Variants in TCF25 observed in about 807,000 individuals in gnomAD.
TCF25 encodes the protein TCF25 ribosome quality control complex subunit, also known as ribosome quality control complex subunit TCF25.
A neutral mutation model predicts 83.1 loss-of-function variants in TCF25; 41 were observed. The observed-to-expected ratio is 0.49, with a 90% CI of 0.38 to 0.64. The LOEUF is 0.64. TCF25 is among the 30% of genes least tolerant of loss of function. The pLI is 0.00. For missense variants in TCF25, 979 were observed against 914.5 expected, an observed-to-expected ratio of 1.07 and a Z score of -0.91; for synonymous variants, 458 against 365.0, an observed-to-expected ratio of 1.25 and a Z score of -2.90.
At chr16:89,874,270 A>T (rs1265099896) in intron 1 of TCF25, among the ~76,000 whole-genome samples, 1 of 150,010 alleles carries the variant, frequency 6.7e-6, no homozygotes, top group Non-Finnish European at 1.5e-5. Context: ...GCCTGCGGCC[A>T]CGTGGCTGTC....
At chr16:89,906,161 T>C (rs1414738194) in intron 14 of TCF25, 33 bp from the exon 15 acceptor site, 1 of 1,596,512 alleles carries the variant, frequency 6.3e-7, no homozygotes. Flanking sequence ...TGCTGTGCTT[T>C]ATCTGCTGTG....
In TCF25 at chr16:89,898,654, GTGTC is replaced by G. The variant is rs1205004544; in HGVS notation, c.1115+8_1115+11del. ...GTACTGCAAGCTCATCCTGAGGTGA[GTGTC>G]TGCTCAGGGCCAAGCCCGTCCACGC... On this transcript the variant is annotated splice_donor_region_variant and intron_variant, in intron 10 of 17. Coordinates refer to ENST00000263346, the MANE Select transcript of TCF25 (RefSeq NM_014972.3). 1.9e-6 allele frequency: 3 copies of G among 1,612,636 alleles called. No homozygotes were observed. Among genetic ancestry groups the G allele is most frequent in the African/African-American group, 2.7e-5 (2 of 75,066 alleles).
Position 89,906,409 on chromosome 16 carries a change from G to A in TCF25, c.1719+125G>A, listed in dbSNP as rs894277491. The A allele has an allele frequency of 1.1e-4, 96 of 854,634 alleles. 2 individuals carry two copies. In the East Asian group the frequency reaches 2.0e-3, roughly 18 times the overall value. 52.9% of individuals were successfully genotyped at this position (854,634 alleles called of 1,614,324 possible). Reference sequence around the variant, plus strand: ...TCCCTCAGCAGCCCAGCCCCGCCACGGCAGGGGCAGGGTCTAGTGCAGAGG... The same window carrying A: ...TCCCTCAGCAGCCCAGCCCCGCCACAGCAGGGGCAGGGTCTAGTGCAGAGG... On this transcript the variant is annotated intron_variant, in intron 15 of 17. Coordinates refer to ENST00000263346, the MANE Select transcript of TCF25 (RefSeq NM_014972.3).
intron 12 of TCF25, among the ~76,000 whole-genome samples, chr16:89,903,674 G>A (rs2044534107): frequency 6.6e-6 from 1 of 152,304 alleles, no homozygotes; most frequent in South Asian, 2.1e-4. Flanking sequence ...GGGCGTGGTA[G>A]TGTGCGCCTG....
intron 7 of TCF25, among the ~76,000 whole-genome samples, chr16:89,894,505 C>T (rs1597333901): frequency 6.6e-6 from 1 of 152,216 alleles, no homozygotes; most frequent in Non-Finnish European, 1.5e-5. Flanking sequence ...TTCCATTCCT[C>T]TTTCTTGGGG....
intron 13 of TCF25, chr16:89,904,460 G>A: frequency 1.8e-6 from 1 of 555,292 alleles, no homozygotes; most frequent in Non-Finnish European, 3.2e-6. Context: ...AGGCGTGGCG[G>A]CACATGCCTG....
intron 16 of TCF25, 32 bp downstream of exon 16, chr16:89,907,354 G>GTTTCCAC (rs2044889273): frequency 1.5e-6 from 2 of 1,354,664 alleles, no homozygotes; most frequent in Non-Finnish European, 9.8e-7. Flanking sequence ...CCACCTCCCA[G>GTTTCCAC]CTCCCACCTC....
At chr16:89,904,839 C>A in intron 13 of TCF25, 99 bp from the exon 14 acceptor site, 2 of 1,448,358 alleles carry the variant, frequency 1.4e-6, no homozygotes, top group Non-Finnish European at 1.9e-6. Flanking sequence ...ACAGGGCACT[C>A]CCTGGACCCC....
At chr16:89,903,876 TGGG>T (rs1296743190) in intron 12 of TCF25, among the ~76,000 whole-genome samples, 1 of 151,866 alleles carries the variant, frequency 6.6e-6, no homozygotes. Flanking sequence ...TGGATGCAAA[TGGG>T]GGCCCTGGCA....
chr16:89,888,068 C>A (rs2043148529), intron 5 of TCF25, among the ~76,000 whole-genome samples: 1 of 150,406 alleles, frequency 6.6e-6, no homozygotes, highest in Admixed American at 6.6e-5. Context: ...GAGTTTGAGA[C>A]CAGCTGGGCA....
intron 12 of TCF25, among the ~76,000 whole-genome samples, chr16:89,901,317 T>C (rs1468472279): frequency 6.6e-6 from 1 of 152,224 alleles, no homozygotes; most frequent in East Asian, 1.9e-4. Flanking sequence ...GGGCTGACCC[T>C]GCCTGACAGC....
chr16:89,901,527 C>T (rs1368013658), intron 12 of TCF25, among the ~76,000 whole-genome samples: 6 of 135,026 alleles, frequency 4.4e-5, no homozygotes, highest in Admixed American at 1.5e-4. Context: ...GGGCGGATCA[C>T]GAGGTCAGGA....
At chr16:89,904,367 A>G in intron 13 of TCF25, 162 bp downstream of exon 13, 1 of 752,732 alleles carries the variant, frequency 1.3e-6, no homozygotes, top group South Asian at 1.8e-5. Context: ...ACGGCTCTGG[A>G]GCCCTCATCT....
At chr16:89,883,124 C>T (rs1411324067) in intron 1 of TCF25, among the ~76,000 whole-genome samples, 1 of 151,914 alleles carries the variant, frequency 6.6e-6, no homozygotes, top group African/African-American at 2.4e-5. Flanking sequence ...ACCCCATAGC[C>T]TCGGGGCCCC....
rs543586130 is a variant in TCF25 at position 89,899,558 on chromosome 16, G to C, written c.1221+686G>C. ...ACCAGCCTCAACATGGAGAAACCCT[G>C]TCTCTACTAAAAATACAAAATTAGC... On this transcript the variant is annotated intron_variant, in intron 11 of 17. Coordinates refer to ENST00000263346, the MANE Select transcript of TCF25 (RefSeq NM_014972.3). Among the ~76,000 whole-genome samples, 3 of 152,242 alleles carry C rather than the reference G, an allele frequency of 2.0e-5. No homozygotes were observed. The East Asian group carries it at 5.8e-4, about 29-fold the overall frequency.
In TCF25 at chr16:89,898,761, C is replaced by G. The variant is rs370663503; in HGVS notation, c.1116-6C>G. 1 of 1,613,778 alleles carries G rather than the reference C, an allele frequency of 6.2e-7. No individual in the cohort carries two copies. Among genetic ancestry groups the G allele is most frequent in the Non-Finnish European group, 8.5e-7 (1 of 1,180,028 alleles). ...TTTGCTCTGCTCTCTGTGCTGCCTC[C>G]GGAAGTCTCGAGCCGGATGAGGACC... On this transcript the variant is annotated splice_polypyrimidine_tract_variant and splice_region_variant and intron_variant, in intron 10 of 17. Transcript: ENST00000263346.
intron 5 of TCF25, chr16:89,890,306 G>C (rs998933206): frequency 6.6e-6 from 1 of 152,260 alleles, no homozygotes; most frequent in East Asian, 1.9e-4. Flanking sequence ...CCCGGTGTCT[G>C]CAGGCATTTC....
rs553988510 is a variant in TCF25 at position 89,881,070 on chromosome 16, A to G, written c.193-2281A>G. On this transcript the variant is annotated intron_variant, in intron 1 of 17. Coordinates refer to ENST00000263346, the MANE Select transcript of TCF25 (RefSeq NM_014972.3). ...GTCTATACTGCCATGGATTTTCTCA[A>G]CGGGCGTAAGTTGCTCCTGACTTGT... 1.5e-3 allele frequency among the ~76,000 whole-genome samples: 230 copies of G among 152,266 alleles called. 3 individuals are homozygous for G. The highest frequency in any genetic ancestry group is 4.3e-3 in the Admixed American group (66 of 15,286).
rs1004574332 is a variant in TCF25 at position 89,894,250 on chromosome 16, G to A, written c.828+392G>A. On this transcript the variant is annotated intron_variant, in intron 7 of 17. Coordinates refer to ENST00000263346, the MANE Select transcript of TCF25 (RefSeq NM_014972.3). ...CCCCGGACGGCCCCCACACGGCCCC[G>A]GACGGCCCCCGCGCAGCCCCAGACA... Among the ~76,000 whole-genome samples, 8 of 144,650 alleles carry A rather than the reference G, an allele frequency of 5.5e-5. No individual in the cohort carries two copies. The South Asian group carries it at 9.0e-4, about 16-fold the overall frequency. The allele number at this position is 144,650 out of a possible 152,430, so 94.9% of individuals were successfully genotyped here. A position where few individuals can be genotyped will look rare whatever the true frequency, so the allele number is the denominator to read the frequency against.
Sources: allele counts gnomAD v4.1 joint callset (sites outside exome capture counted in the v4.1 genomes callset), GRCh38; gene constraint gnomAD v4.1.1; transcripts MANE v1.5; gene names NCBI Gene and HGNC (gene_info 2026-07-23, HGNC 2026-07-21).